The following PKP4 variants were observed in gnomAD, a reference collection of about 807,000 sequenced individuals.
The protein encoded by PKP4 is plakophilin 4.
A neutral mutation model predicts 145.1 loss-of-function variants in PKP4; 90 were observed. The observed-to-expected ratio is 0.62, with a 90% confidence interval of 0.52 to 0.74. The LOEUF is 0.74. Among genes scored for constraint, PKP4 ranks in the 30% least tolerant of loss-of-function variants. The probability of loss-of-function intolerance (pLI) is 0.00; values close to 1 mark genes in which losing one functional copy is unlikely to be tolerated. For missense variants in PKP4, 1,340 were observed against 1,482.7 expected (o/e 0.90, Z 1.58); for synonymous variants, 563 against 577.2 (o/e 0.98, Z 0.35).
At chr2:158,643,311 G>A (rs2054481570) in intron 11 of PKP4, among the ~76,000 whole-genome samples, 1 of 152,182 alleles carries the variant, frequency 6.6e-6, no homozygotes, top group African/African-American at 2.4e-5. Flanking sequence ...TGGCCTAAGG[G>A]ATGAGGAAGC....
intron 2 of PKP4, among the ~76,000 whole-genome samples, chr2:158,557,466 C>T (rs2046195862): frequency 6.6e-6 from 1 of 152,114 alleles, no homozygotes; most frequent in Non-Finnish European, 1.5e-5. Flanking sequence ...GTTTCTGGGA[C>T]TAAAGTCATC....
At chr2:158,566,529 T>G (rs898718285) in intron 2 of PKP4, among the ~76,000 whole-genome samples, 4 of 151,786 alleles carry the variant, frequency 2.6e-5, no homozygotes, top group Non-Finnish European at 5.9e-5. Flanking sequence ...TTACTAGTTT[T>G]TGTAATTTCT....
chr2:158,677,356 ATTC>A (rs1308371901), intron 20 of PKP4: 4 of 202,204 alleles, frequency 2.0e-5, no homozygotes, highest in African/African-American at 9.3e-5. Flanking sequence ...GTATAATGTG[ATTC>A]TTCTCAACGT....
At chr2:158,595,114 G>T (rs941627762) in intron 3 of PKP4, among the ~76,000 whole-genome samples, 5 of 152,122 alleles carry the variant, frequency 3.3e-5, no homozygotes, top group Admixed American at 2.0e-4. Context: ...CTAGTGTAAA[G>T]AATTTATTTC....
chr2:158,468,548 C>A (rs999547758), intron 1 of PKP4, among the ~76,000 whole-genome samples: 1 of 151,890 alleles, frequency 6.6e-6, no homozygotes, highest in African/African-American at 2.4e-5. Context: ...TTCAGAATTT[C>A]ACTTATATAT....
At chr2:158,626,790 C>T (rs919192760) in intron 7 of PKP4, among the ~76,000 whole-genome samples, 3 of 152,152 alleles carry the variant, frequency 2.0e-5, no homozygotes, top group Non-Finnish European at 4.4e-5. Flanking sequence ...TGTTCATCAA[C>T]GACTTTATTT....
At chr2:158,575,725 C>T (rs972820623) in intron 2 of PKP4, among the ~76,000 whole-genome samples, 4 of 151,640 alleles carry the variant, frequency 2.6e-5, no homozygotes, top group Admixed American at 1.3e-4. Flanking sequence ...TACAACCAGG[C>T]AGTCTTGTGG....
chr2:158,536,474 C>T (rs183917480), intron 2 of PKP4, among the ~76,000 whole-genome samples: 23 of 152,298 alleles, frequency 1.5e-4, no homozygotes, highest in African/African-American at 5.5e-4. Context: ...AAATACCTCA[C>T]ACATACTCCC....
intron 3 of PKP4, among the ~76,000 whole-genome samples, chr2:158,594,299 A>G (rs2049528693): frequency 6.6e-6 from 1 of 152,068 alleles, no homozygotes. Flanking sequence ...CTTTTCTGTA[A>G]CCTCGATATC....
At chr2:158,678,956 A>C (rs1272129800) in intron 21 of PKP4, 10 of 404,966 alleles carry the variant, frequency 2.5e-5, no homozygotes, top group Non-Finnish European at 4.6e-5. Flanking sequence ...TTTTCTGTTA[A>C]GCTCTAAAAT....
At chr2:158,669,039 A>C (rs2106000735) in intron 16 of PKP4, 1 of 152,364 alleles carries the variant, frequency 6.6e-6, no homozygotes, top group African/African-American at 2.4e-5. Context: ...AATAACTGTG[A>C]AACTCCCCTT....
At chr2:158,625,884 A>G (rs2052730126) in intron 7 of PKP4, among the ~76,000 whole-genome samples, 2 of 152,172 alleles carry the variant, frequency 1.3e-5, no homozygotes, top group East Asian at 3.8e-4. Context: ...AGACTAGACT[A>G]TGAATTTTAT....
chr2:158,522,804 C>T (rs2042517117), intron 1 of PKP4, among the ~76,000 whole-genome samples: 1 of 152,238 alleles, frequency 6.6e-6, no homozygotes, highest in African/African-American at 2.4e-5. Flanking sequence ...CAGGGCGAGG[C>T]ATTGCCTCAC....
chr2:158,475,792 T>C (rs1692372214), intron 1 of PKP4, among the ~76,000 whole-genome samples: 1 of 152,200 alleles, frequency 6.6e-6, no homozygotes, highest in Non-Finnish European at 1.5e-5. Context: ...TTCCCTGCCC[T>C]ATCTCCCATA....
chr2:158,479,484 A>C (rs184956596), intron 1 of PKP4, among the ~76,000 whole-genome samples: 1 of 152,200 alleles, frequency 6.6e-6, no homozygotes, highest in Non-Finnish European at 1.5e-5. Flanking sequence ...TTAGCCTCCC[A>C]AAGTGCTGGG....
chr2:158,534,762 G>T (rs1348116538), intron 2 of PKP4, among the ~76,000 whole-genome samples: 1 of 152,156 alleles, frequency 6.6e-6, no homozygotes, highest in Non-Finnish European at 1.5e-5. Context: ...AAGGAAACTT[G>T]TTAAGATTTT....
At chr2:158,532,211 T>C (rs192958944) in intron 1 of PKP4, among the ~76,000 whole-genome samples, 58 of 152,290 alleles carry the variant, frequency 3.8e-4, no homozygotes, top group Admixed American at 2.6e-3. Context: ...AACTGAAGAA[T>C]GTTGAGAAAA....
chr2:158,495,609 T>A (rs1012511374), intron 1 of PKP4, among the ~76,000 whole-genome samples: 3 of 150,702 alleles, frequency 2.0e-5, no homozygotes, highest in Non-Finnish European at 3.0e-5. Flanking sequence ...GCCAAGGAGG[T>A]CCTGACTTGA....
intron 3 of PKP4, among the ~76,000 whole-genome samples, chr2:158,579,120 A>G (rs1334238503): frequency 6.6e-6 from 1 of 152,196 alleles, no homozygotes; most frequent in Non-Finnish European, 1.5e-5. Flanking sequence ...AAATGTAACT[A>G]TCCACATTGC....
Sources: allele counts gnomAD v4.1 joint callset (sites outside exome capture counted in the v4.1 genomes callset), GRCh38; gene constraint gnomAD v4.1.1; transcripts MANE v1.5; gene names NCBI Gene and HGNC (gene_info 2026-07-23, HGNC 2026-07-21).